Variants in MAST2 observed in about 807,000 individuals in gnomAD.
MAST2 encodes the protein microtubule associated serine/threonine kinase 2.
In MAST2, 70 loss-of-function variants were observed where a neutral mutation model predicts 147.4. The ratio of observed to expected loss-of-function variants is 0.47; its 90% CI spans 0.39 to 0.58. MAST2 has a LOEUF of 0.58. MAST2 is among the 20% of genes least tolerant of loss of function. MAST2 has a pLI of 0.00. For missense variants in MAST2, 2,080 were observed against 2,302.3 expected (o/e 0.90, Z 1.98); for synonymous variants, 869 against 896.8 (o/e 0.97, Z 0.55).
At chr1:45,888,708 G>T (rs1647215729) in intron 4 of MAST2, among the ~76,000 whole-genome samples, 1 of 70,058 alleles carries the variant, frequency 1.4e-5, no homozygotes. Flanking sequence ...TTGAGATGGA[G>T]TCTTGCTCTC....
At chr1:45,844,042 C>T (rs577054347) in intron 3 of MAST2, among the ~76,000 whole-genome samples, 8 of 152,176 alleles carry the variant, frequency 5.3e-5, no homozygotes, top group Non-Finnish European at 7.4e-5. Flanking sequence ...AAAATAGTGA[C>T]GTCAAATTTT....
intron 1 of MAST2, among the ~76,000 whole-genome samples, chr1:45,809,962 G>T (rs1644244344): frequency 6.6e-6 from 1 of 152,208 alleles, no homozygotes; most frequent in Admixed American, 6.5e-5. Flanking sequence ...AATATTTGCT[G>T]AATGAAAGGA....
chr1:45,945,523 C>G (rs1465127543), intron 4 of MAST2, among the ~76,000 whole-genome samples: 3 of 152,108 alleles, frequency 2.0e-5, no homozygotes, highest in African/African-American at 7.2e-5. Flanking sequence ...CTAATCTTTT[C>G]TGCTATGGAA....
chr1:45,961,819 C>A (rs1660460992), intron 5 of MAST2, among the ~76,000 whole-genome samples: 1 of 151,970 alleles, frequency 6.6e-6, no homozygotes, highest in Non-Finnish European at 1.5e-5. Context: ...ATGTGCACAA[C>A]TTACAGGTTT....
intron 3 of MAST2, among the ~76,000 whole-genome samples, chr1:45,866,446 T>G (rs1415708165): frequency 6.6e-6 from 1 of 152,240 alleles, no homozygotes; most frequent in Non-Finnish European, 1.5e-5. Context: ...TGGCTGGCTC[T>G]GTAAGCCCAT....
chr1:45,807,794 G>A (rs570746649), intron 1 of MAST2, among the ~76,000 whole-genome samples: 56 of 152,158 alleles, frequency 3.7e-4, no homozygotes, highest in African/African-American at 1.3e-3. Flanking sequence ...CACCCACCTC[G>A]GCCTCCCAAA....
chr1:45,951,721 C>T (rs558578169), intron 4 of MAST2, among the ~76,000 whole-genome samples: 2 of 152,218 alleles, frequency 1.3e-5, no homozygotes, highest in East Asian at 1.9e-4. Flanking sequence ...ATGCAACAGT[C>T]GTGTTAAATA....
chr1:45,913,733 T>C (rs968950711), intron 4 of MAST2: 1 of 1,011,598 alleles, frequency 9.9e-7, no homozygotes, highest in Non-Finnish European at 1.2e-6. Flanking sequence ...GGGAAGCTTT[T>C]ATAATTTCCT....
At chr1:45,841,159 G>A (rs115881377) in intron 3 of MAST2, among the ~76,000 whole-genome samples, 1 of 152,018 alleles carries the variant, frequency 6.6e-6, no homozygotes, top group African/African-American at 2.4e-5. Context: ...TCCCTGTGCT[G>A]CCCAGGCTGG....
At chr1:45,880,157 G>A (rs1280095910) in intron 3 of MAST2, among the ~76,000 whole-genome samples, 1 of 152,112 alleles carries the variant, frequency 6.6e-6, no homozygotes, top group Non-Finnish European at 1.5e-5. Flanking sequence ...CAAAAAACAT[G>A]TTATAGGAAT....
At chr1:45,960,150 C>T (rs915391814) in intron 5 of MAST2, among the ~76,000 whole-genome samples, 1 of 152,112 alleles carries the variant, frequency 6.6e-6, no homozygotes, top group Admixed American at 6.6e-5. Context: ...GCTGCTCTAG[C>T]CCTGGAATAT....
chr1:46,024,362 C>T (rs1646313032), intron 15 of MAST2: 2 of 259,918 alleles, frequency 7.7e-6, no homozygotes, highest in South Asian at 1.0e-4. Context: ...ATTAATTACC[C>T]TGACTGGCTT....
intron 4 of MAST2, among the ~76,000 whole-genome samples, chr1:45,911,690 A>G (rs1421168031): frequency 6.6e-6 from 1 of 151,786 alleles, no homozygotes; most frequent in Non-Finnish European, 1.5e-5. Context: ...TCTTTAAAAA[A>G]TAATAATAAT....
At chr1:45,887,926 G>C (rs946091812) in intron 4 of MAST2, among the ~76,000 whole-genome samples, 1 of 152,240 alleles carries the variant, frequency 6.6e-6, no homozygotes, top group Non-Finnish European at 1.5e-5. Context: ...CGTAGCAGAG[G>C]TTGGGAGGGA....
chr1:45,866,185 G>T (rs560962462), intron 3 of MAST2, among the ~76,000 whole-genome samples: 7 of 152,164 alleles, frequency 4.6e-5, no homozygotes, highest in African/African-American at 1.4e-4. Context: ...CTTATTGATG[G>T]TGCTGTAAAC....
chr1:45,973,470 T>C (rs1291236213), intron 5 of MAST2, among the ~76,000 whole-genome samples: 1 of 152,210 alleles, frequency 6.6e-6, no homozygotes, highest in Non-Finnish European at 1.5e-5. Flanking sequence ...GATAACTATA[T>C]TGAGATGTCT....
intron 3 of MAST2, among the ~76,000 whole-genome samples, chr1:45,844,723 G>A (rs965603438): frequency 6.6e-6 from 1 of 152,124 alleles, no homozygotes; most frequent in Non-Finnish European, 1.5e-5. Flanking sequence ...CACCTGCCAA[G>A]CATCTAAATT....
At chr1:45,994,087 A>G (rs913126457) in intron 5 of MAST2, among the ~76,000 whole-genome samples, 2 of 152,086 alleles carry the variant, frequency 1.3e-5, no homozygotes, top group African/African-American at 4.8e-5. Context: ...ATGTATAACA[A>G]TACATACAAA....
At chr1:45,870,017 G>A (rs1324827966) in intron 3 of MAST2, among the ~76,000 whole-genome samples, 3 of 152,122 alleles carry the variant, frequency 2.0e-5, no homozygotes, top group Non-Finnish European at 2.9e-5. Flanking sequence ...TCCGCCTCCT[G>A]GGTTCAAGCG....
Sources: allele counts gnomAD v4.1 joint callset (sites outside exome capture counted in the v4.1 genomes callset), GRCh38; gene constraint gnomAD v4.1.1; transcripts MANE v1.5; gene names NCBI Gene and HGNC (gene_info 2026-07-23, HGNC 2026-07-21).